DENND10: variants seen among roughly 807,000 people sequenced by gnomAD.
DENND10 encodes DENN domain containing 10.
DENND10 carries 24 observed loss-of-function variants against 43.6 expected under a neutral mutation model. The ratio of observed to expected loss-of-function variants is 0.55; its 90% confidence interval spans 0.40 to 0.77. DENND10 has a LOEUF of 0.77. Ranked by LOEUF, DENND10 falls within the 30% of genes least tolerant of loss-of-function variation. The pLI is 0.00. For synonymous variants in DENND10, 125 were observed against 157.6 expected, an observed-to-expected ratio of 0.79 and a Z score of 1.55; for missense variants, 303 against 429.9, an observed-to-expected ratio of 0.70 and a Z score of 2.61.
chr10:119,135,810 A>AAAAAAAAAAAAC (rs1846320439), intron 8 of DENND10, among the ~76,000 whole-genome samples: 1 of 150,370 alleles, frequency 6.7e-6, no homozygotes, highest in Non-Finnish European at 1.5e-5. Context: ...AAAAAAAAAA[A>AAAAAAAAAAAAC]AAAAAACCAA....
At chr10:119,115,837 C>T (rs1261310522) in intron 3 of DENND10, among the ~76,000 whole-genome samples, 1 of 148,434 alleles carries the variant, frequency 6.7e-6, no homozygotes, top group Non-Finnish European at 1.5e-5. Context: ...GATCTTGACT[C>T]ACTGCAACCT....
intron 4 of DENND10, among the ~76,000 whole-genome samples, chr10:119,119,329 A>G (rs1185113380): frequency 2.0e-5 from 3 of 151,964 alleles, no homozygotes; most frequent in Middle Eastern, 3.4e-3. Context: ...TTTAGTAGAG[A>G]TGGGGTTTCA....
chr10:119,117,899 G>A (rs1012149007), intron 4 of DENND10, among the ~76,000 whole-genome samples: 3 of 152,030 alleles, frequency 2.0e-5, no homozygotes, highest in East Asian at 3.8e-4. Context: ...CCTGGAAGGC[G>A]GAGGTTGCAG....
chr10:119,118,607 G>C (rs902933736), intron 4 of DENND10, among the ~76,000 whole-genome samples: 1 of 152,148 alleles, frequency 6.6e-6, no homozygotes, highest in African/African-American at 2.4e-5. Context: ...TGAGGTGGTA[G>C]GTGTTTGTCA....
intron 6 of DENND10, among the ~76,000 whole-genome samples, chr10:119,124,702 A>G (rs1845749398): frequency 6.6e-6 from 1 of 152,018 alleles, no homozygotes; most frequent in Admixed American, 6.6e-5. Context: ...CTTTTTAACC[A>G]TTGGTAAACA....
At chr10:119,106,128 A>C (rs1844685418) in intron 1 of DENND10, among the ~76,000 whole-genome samples, 4 of 152,030 alleles carry the variant, frequency 2.6e-5, no homozygotes, top group Non-Finnish European at 5.9e-5. Flanking sequence ...CGGGAGGTGG[A>C]AGTTGCAGTG....
rs376840583 is a variant in DENND10 at position 119,108,182 on chromosome 10, T to TA, written c.252+28dup. ...TGAAAAAGGTATGATTGCGTGAAGGTAAAAAAAAAACCCCAAAATAGGCTG... is the reference window on the plus strand; with the variant it reads ...TGAAAAAGGTATGATTGCGTGAAGGTAAAAAAAAAAACCCCAAAATAGGCTG... On this transcript the variant is annotated intron_variant, in intron 2 of 8. Coordinates refer to ENST00000361432, the MANE Select transcript of DENND10 (RefSeq NM_207009.4). The TA allele has an allele frequency of 4.0e-3, 5,622 of 1,388,362 alleles. No individual in the cohort carries two copies. The highest frequency in any genetic ancestry group is 6.0e-3 in the South Asian group (453 of 75,020). The allele number at this position is 1,388,362 out of a possible 1,614,324, so 86.0% of individuals were successfully genotyped here.
At chr10:119,129,411 A>C in intron 6 of DENND10, 104 bp from the exon 7 acceptor site, 1 of 709,970 alleles carries the variant, frequency 1.4e-6, no homozygotes, top group South Asian at 1.6e-5. Context: ...CGAATGAATA[A>C]AGCAGTGAAA....
At chr10:119,119,171 A>G (rs1845444266) in intron 4 of DENND10, among the ~76,000 whole-genome samples, 1 of 152,080 alleles carries the variant, frequency 6.6e-6, no homozygotes, top group Non-Finnish European at 1.5e-5. Context: ...CGCCTGCCTA[A>G]TTGTGTATTT....
At chr10:119,116,292 T>C (rs4752250) in intron 3 of DENND10, among the ~76,000 whole-genome samples, 84,068 of 152,072 alleles carry the variant, frequency 0.55, 23,723 homozygotes, top group South Asian at 0.68. Context: ...GAATGTCTAA[T>C]GTGCATTTAT....
chr10:119,117,736 G>C (rs2901173), intron 4 of DENND10, 69 bp downstream of exon 4: 879,622 of 1,510,600 alleles, frequency 0.58, 258,067 homozygotes, highest in Middle Eastern at 0.69. Context: ...GGGAGGCCAA[G>C]GCGGGTGGAT....
At chr10:119,135,791 T>TAAAAAAAAAAAAAAAAAAAAAACAAAAA (rs1846307137) in intron 8 of DENND10, among the ~76,000 whole-genome samples, 1 of 64,008 alleles carries the variant, frequency 1.6e-5, no homozygotes, top group Non-Finnish European at 2.8e-5. Context: ...ACTAAAATTG[T>TAAAAAAAAAAAAAAAAAAAAAACAAAAA]AAAAAAAAAA....
chr10:119,105,854 C>G (rs1334446928), intron 1 of DENND10, among the ~76,000 whole-genome samples: 1 of 151,908 alleles, frequency 6.6e-6, no homozygotes, highest in Non-Finnish European at 1.5e-5. Flanking sequence ...TGTACTCCAG[C>G]ATGGGTGACA....
rs377200753 is a variant in DENND10 at position 119,127,241 on chromosome 10, ATTAAT to A, written c.695-2270_695-2266del. ...ATGTTTTTTATTTCCCAGTGAAGTT[ATTAAT>A]TTATCTGGAATAATTTTTTGTGTAG... On this transcript the variant is annotated intron_variant, in intron 6 of 8. Transcript: ENST00000361432. 3.3e-4 allele frequency among the ~76,000 whole-genome samples: 50 copies of A among 152,186 alleles called. No homozygotes were observed. In the East Asian group the frequency reaches 4.6e-3, roughly 14 times the overall value.
chr10:119,114,688 G>C (rs1845159187), intron 3 of DENND10: 1 of 152,160 alleles, frequency 6.6e-6, no homozygotes. Context: ...ATCTCTCCTG[G>C]CCCAGGGTTG....
chr10:119,129,816 C>T (rs148587103), intron 7 of DENND10, among the ~76,000 whole-genome samples, 194 bp downstream of exon 7: 9 of 152,290 alleles, frequency 5.9e-5, no homozygotes, highest in Middle Eastern at 3.4e-3. Flanking sequence ...GCTTATGCAG[C>T]AGAGTGTATA....
intron 3 of DENND10, among the ~76,000 whole-genome samples, chr10:119,114,880 G>A (rs572569520): frequency 1.0e-4 from 15 of 150,358 alleles, no homozygotes; most frequent in Non-Finnish European, 1.9e-4. Flanking sequence ...AGTGATTCTT[G>A]TGCTGCAGCC....
chr10:119,120,602 A>C, intron 5 of DENND10, 150 bp downstream of exon 5: 5 of 630,754 alleles, frequency 7.9e-6, no homozygotes, highest in South Asian at 7.5e-5. Context: ...GTTTAGCTCT[A>C]GTAGTTCAAG....
rs1846131622 is a variant in DENND10 at position 119,132,526 on chromosome 10, A to G, written c.814A>G (p.Met272Val). ...CTTGATCTCACCAGAGGCCATGGCA[A>G]TGGGCAAACTGCACAAAGAAATGGG... ...IAPLAKEAMA[M>V]GKLHKEMGQL... Residue 272 changes from methionine (M) to valine (V), a missense_variant, in exon 8 of 9, where the codon ATG (methionine) becomes GTG (valine). Transcript: ENST00000361432. The surrounding 1 kb of genome is among the most constrained non-coding windows in gnomAD (Gnocchi z 4.2). 3.1e-6 allele frequency: 5 copies of G among 1,613,726 alleles called. No homozygotes were observed. The highest frequency in any genetic ancestry group is 1.1e-5 in the South Asian group (1 of 91,074).
Sources: allele counts gnomAD v4.1 joint callset (sites outside exome capture counted in the v4.1 genomes callset), GRCh38; gene constraint gnomAD v4.1.1; non-coding constraint Gnocchi (gnomAD v3.1); transcripts MANE v1.5; gene names NCBI Gene and HGNC (gene_info 2026-07-23, HGNC 2026-07-21).